Variants in DNM3 observed in about 807,000 individuals in gnomAD.
The protein encoded by DNM3 is dynamin 3.
In DNM3, 47 loss-of-function variants were observed where a neutral mutation model predicts 101.6. The observed-to-expected ratio is 0.46, with a 90% CI of 0.37 to 0.59. DNM3 has a LOEUF of 0.59. Among genes scored for constraint, DNM3 ranks in the 20% least tolerant of loss-of-function variants. DNM3 has a pLI of 0.00. For synonymous variants in DNM3, 385 were observed against 387.9 expected (o/e 0.99, Z 0.09); for missense variants, 849 against 1,085.7 (o/e 0.78, Z 3.06).
At chr1:172,320,158 C>T (rs1179428742) in intron 16 of DNM3, among the ~76,000 whole-genome samples, 86 of 149,402 alleles carry the variant, frequency 5.8e-4, no homozygotes, top group Non-Finnish European at 1.0e-3. Flanking sequence ...CACATGTTCT[C>T]ACTCATAGAT....
At chr1:172,307,001 C>G (rs1258178258) in intron 15 of DNM3, among the ~76,000 whole-genome samples, 1 of 151,970 alleles carries the variant, frequency 6.6e-6, no homozygotes, top group African/African-American at 2.4e-5. Context: ...CAAAAGCAAC[C>G]ACAACAAAAG....
intron 2 of DNM3, among the ~76,000 whole-genome samples, chr1:171,962,934 G>C (rs2043313470): frequency 6.6e-6 from 1 of 152,140 alleles, no homozygotes; most frequent in Non-Finnish European, 1.5e-5. Context: ...TTTGTTGCTG[G>C]TGGGAATGCA....
intron 14 of DNM3, among the ~76,000 whole-genome samples, chr1:172,222,758 C>T (rs2060955025): frequency 6.6e-6 from 1 of 152,030 alleles, no homozygotes; most frequent in African/African-American, 2.4e-5. Flanking sequence ...CTAAATAGAA[C>T]ATTAACAGAG....
chr1:172,340,117 C>G (rs1309310728), intron 17 of DNM3, among the ~76,000 whole-genome samples: 2 of 152,010 alleles, frequency 1.3e-5, no homozygotes, highest in African/African-American at 2.4e-5. Flanking sequence ...TTAAGGAGAG[C>G]CAAGGAGAGT....
In DNM3 at chr1:172,067,808, C is replaced by CA. The variant is rs538018439; in HGVS notation, c.1336-1003dup. Among the ~76,000 whole-genome samples the CA allele has an allele frequency of 5.0e-3, 754 of 151,384 alleles. 4 individuals carry two copies. Among genetic ancestry groups the CA allele is most frequent in the Admixed American group, 8.1e-3 (123 of 15,216 alleles). The stretch of plus-strand genomic sequence containing the variant: ...GACATACACAATTTCCATAGTTTTG[C>CA]AAAAAAAATGTACATATACACATAT... On this transcript the variant is annotated intron_variant, in intron 10 of 20. Coordinates refer to ENST00000627582, the MANE Select transcript of DNM3 (RefSeq NM_015569.5).
intron 7 of DNM3, among the ~76,000 whole-genome samples, chr1:172,040,428 A>G (rs2049290443): frequency 6.6e-6 from 1 of 151,782 alleles, no homozygotes; most frequent in South Asian, 2.1e-4. Flanking sequence ...TAGTTCCAGT[A>G]TGTTTAAATT....
At chr1:172,234,624 C>T (rs535778808) in intron 14 of DNM3, among the ~76,000 whole-genome samples, 1 of 152,252 alleles carries the variant, frequency 6.6e-6, no homozygotes, top group East Asian at 1.9e-4. Flanking sequence ...CGCTACCTGA[C>T]TTCAAACTAT....
chr1:172,230,544 G>A (rs2061294493), intron 14 of DNM3, among the ~76,000 whole-genome samples: 1 of 152,110 alleles, frequency 6.6e-6, no homozygotes, highest in Non-Finnish European at 1.5e-5. Flanking sequence ...ATTTGAAAAT[G>A]AGAAAAAATA....
chr1:172,380,988 A>C (rs927165507), intron 18 of DNM3: 8 of 151,516 alleles, frequency 5.3e-5, no homozygotes, highest in Admixed American at 1.3e-4. Context: ...AAGGAAAAAA[A>C]AAAAAAACAA....
intron 14 of DNM3, among the ~76,000 whole-genome samples, chr1:172,144,020 A>T (rs1024310206): frequency 1.3e-5 from 2 of 152,136 alleles, no homozygotes; most frequent in Non-Finnish European, 2.9e-5. Flanking sequence ...TAAAAGTTAT[A>T]CATACAGCCT....
intron 17 of DNM3, among the ~76,000 whole-genome samples, chr1:172,325,997 G>A (rs992832911): frequency 6.6e-6 from 1 of 152,070 alleles, no homozygotes; most frequent in African/African-American, 2.4e-5. Context: ...CCTGCTATTT[G>A]TTTTCTCAAA....
chr1:171,959,303 T>C (rs1384895575), intron 2 of DNM3, among the ~76,000 whole-genome samples: 1 of 152,234 alleles, frequency 6.6e-6, no homozygotes, highest in South Asian at 2.1e-4. Flanking sequence ...TTTGTATTAT[T>C]TGATATATTA....
At chr1:172,021,349 T>A (rs1488761558) in intron 4 of DNM3, among the ~76,000 whole-genome samples, 1 of 151,944 alleles carries the variant, frequency 6.6e-6, no homozygotes, top group African/African-American at 2.4e-5. Flanking sequence ...GGTGCATGTT[T>A]GTACTCCCAG....
At chr1:172,076,679 G>A (rs772806109) in intron 11 of DNM3, among the ~76,000 whole-genome samples, 3 of 152,170 alleles carry the variant, frequency 2.0e-5, no homozygotes, top group Non-Finnish European at 4.4e-5. Context: ...CTTGATCATG[G>A]TGGAGAAGCT....
chr1:171,862,908 G>T lies in DNM3; in HGVS notation c.161+21091G>T, dbSNP rs115227979. Among the ~76,000 whole-genome samples, 515 of 152,192 alleles carry T rather than the reference G, an allele frequency of 3.4e-3. 6 individuals are homozygous for T. Among genetic ancestry groups the T allele is most frequent in the African/African-American group, 0.012 (488 of 41,550 alleles). ...GACTCTTTAGAACTGAGAGAAAAGAGTAGTTTTGTTGGAGTGGTAGGAGTT... is the reference window on the plus strand; with the variant it reads ...GACTCTTTAGAACTGAGAGAAAAGATTAGTTTTGTTGGAGTGGTAGGAGTT... On this transcript the variant is annotated intron_variant, in intron 1 of 20. Coordinates refer to ENST00000627582, the MANE Select transcript of DNM3 (RefSeq NM_015569.5).
chr1:172,317,077 A>G (rs2065410157), intron 16 of DNM3, among the ~76,000 whole-genome samples: 1 of 152,100 alleles, frequency 6.6e-6, no homozygotes, highest in African/African-American at 2.4e-5. Context: ...ACTCAGGATT[A>G]AGAAACTCAC....
chr1:172,145,282 CA>C (rs1488618786), intron 14 of DNM3, among the ~76,000 whole-genome samples: 1 of 151,820 alleles, frequency 6.6e-6, no homozygotes, highest in African/African-American at 2.4e-5. Context: ...TTTCACTCGT[CA>C]AAAAGGGCAG....
chr1:172,065,953 A>G lies in DNM3; in HGVS notation c.1336-2866A>G, dbSNP rs188925316. Among the ~76,000 whole-genome samples the G allele has an allele frequency of 3.2e-3, 488 of 152,264 alleles. 1 individual carries two copies. Among genetic ancestry groups the G allele is most frequent in the Middle Eastern group, 0.01 (3 of 294 alleles). Reference sequence around the variant, plus strand: ...ATGTATATGAGATCTCGTGATTATGATGGTTTCATGAAGTACTGCAGTTTG... The same window carrying G: ...ATGTATATGAGATCTCGTGATTATGGTGGTTTCATGAAGTACTGCAGTTTG... On this transcript the variant is annotated intron_variant, in intron 10 of 20. Coordinates refer to ENST00000627582, the MANE Select transcript of DNM3 (RefSeq NM_015569.5).
intron 4 of DNM3, among the ~76,000 whole-genome samples, chr1:172,017,552 AACAG>A (rs1324654002): frequency 6.6e-6 from 1 of 152,170 alleles, no homozygotes; most frequent in Non-Finnish European, 1.5e-5. Flanking sequence ...GTGATCTGAT[AACAG>A]ACATTGTATG....
Sources: gnomAD v4.1 joint callset for allele counts (sites outside exome capture counted in the v4.1 genomes callset) on GRCh38, gnomAD v4.1.1 for gene constraint, MANE v1.5 for transcripts, NCBI Gene and HGNC (gene_info 2026-07-23, HGNC 2026-07-21) for gene names.